ZNF510: variants seen among roughly 807,000 people sequenced by gnomAD.
The protein encoded by ZNF510 is zinc finger protein 510.
In ZNF510, 15 loss-of-function variants were observed where a neutral mutation model predicts 18.1. The observed-to-expected ratio is 0.83, with a 90% confidence interval of 0.55 to 1.28. The LOEUF is 1.28. Among genes scored for constraint, ZNF510 ranks in the 50% most tolerant of loss-of-function variants. ZNF510 has a pLI of 0.00. For missense variants in ZNF510, 724 were observed against 791.8 expected (o/e 0.91, Z 1.03); for synonymous variants, 261 against 266.4 (o/e 0.98, Z 0.20).
Position 96,776,090 on chromosome 9 carries a change from G to A in ZNF510, c.-21C>T. On this transcript the variant is annotated 5_prime_UTR_variant, in exon 2 of 6. Coordinates refer to ENST00000223428, the MANE Select transcript of ZNF510 (RefSeq NM_014930.3). ...GACATCACCAAGTCTGGTGCTCTCT[G>A]GGCAAGGGGATGAAGAAGTGCCGCT... 6.3e-7 allele frequency: 1 copy of A among 1,589,200 alleles called. No individual in the cohort carries two copies. The highest frequency in any genetic ancestry group is 8.6e-7 in the Non-Finnish European group (1 of 1,166,144).
rs547500378 is a variant in ZNF510, at chr9:96,759,358, C to T, written c.1472G>A (p.Ser491Asn). The change falls in exon 6 of 6, where the codon AGT becomes AAT. Residue 491 changes from serine (S) to asparagine (N), a missense_variant. Physicochemically the swap from Ser to Asn is conservative, Grantham distance 46. Coordinates refer to ENST00000223428, the MANE Select transcript of ZNF510 (RefSeq NM_014930.3). The stretch of plus-strand genomic sequence containing the variant: ...CTGAACAAAAGTTTTCCCACATTCA[C>T]TACATTCATAGGGTTTTTCTCCTGT... ...IHTGEKPYEC[S>N]ECGKTFVQKS... 101 of 1,614,044 alleles carry T rather than the reference C, an allele frequency of 6.3e-5. 1 individual carries two copies. The South Asian group carries it at 9.4e-4, about 15-fold the overall frequency.
chr9:96,774,850 G>C lies in ZNF510; in HGVS notation c.71-4C>G. 4 of 1,613,868 alleles carry C rather than the reference G, an allele frequency of 2.5e-6. No individual in the cohort carries two copies. Among genetic ancestry groups the C allele is most frequent in the Non-Finnish European group, 3.4e-6 (4 of 1,179,866 alleles). On this transcript the variant is annotated splice_region_variant and splice_polypyrimidine_tract_variant and intron_variant, in intron 2 of 5. Transcript: ENST00000223428. Reference sequence around the variant, plus strand: ...GTGGAGAACCGTAAAGGATAACCTGGGGGTGAGGAAGGAGTCATGAGAGAT... The same window carrying C: ...GTGGAGAACCGTAAAGGATAACCTGCGGGTGAGGAAGGAGTCATGAGAGAT...
At position 96,759,730 on chromosome 9, in the gene ZNF510, T is replaced by C. The variant is rs770349033; in HGVS notation, c.1100A>G (p.Asn367Ser). The stretch of plus-strand genomic sequence containing the variant: ...TTTAACCCAAGTCTGTGTTCTGTCA[T>C]TACTTACCAATGGGTTCTCTTCTAT... ...AVIEENPLVS[N>S]DRTQTWVKSS... The change falls in exon 6 of 6, where the codon AAT becomes AGT. Residue 367 changes from asparagine to serine, a missense_variant. Physicochemically the swap from Asn to Ser is conservative, Grantham distance 46. Transcript: ENST00000223428. The C allele has an allele frequency of 5.6e-5, 90 of 1,613,918 alleles. No homozygotes were observed. Among genetic ancestry groups the C allele is most frequent in the Non-Finnish European group, 7.3e-5 (86 of 1,179,980 alleles).
intron 5 of ZNF510, among the ~76,000 whole-genome samples, chr9:96,761,563 C>T (rs1024087075): frequency 2.2e-5 from 3 of 135,568 alleles, no homozygotes; most frequent in African/African-American, 1.2e-4. Flanking sequence ...TGCTTGGTTA[C>T]AACTTCTCTA....
intron 3 of ZNF510, among the ~76,000 whole-genome samples, chr9:96,765,477 T>C (rs1849448305): frequency 1.3e-5 from 2 of 152,108 alleles, no homozygotes; most frequent in African/African-American, 2.4e-5. Context: ...TAGTGCCATA[T>C]TTACTGCATT....
rs200749483 is a variant in ZNF510, at chr9:96,759,168, C to G, written c.1662G>C (p.Trp554Cys). 8 of 1,613,624 alleles carry G rather than the reference C, an allele frequency of 5.0e-6. No homozygotes were observed. The South Asian group carries it at 8.8e-5, about 18-fold the overall frequency. ...YQCNECEKSF[W>C]RKDHLIQHQK... ...GATGTTGAATGAGATGATCTTTTCG[C>G]CAGAAGGATTTTTCACATTCATTAC... The change falls in exon 6 of 6, where the codon TGG becomes TGC. Residue 554 changes from tryptophan (W) to cysteine (C), a missense_variant. Coordinates refer to ENST00000223428, the MANE Select transcript of ZNF510 (RefSeq NM_014930.3).
rs562191037 is a variant in ZNF510, at chr9:96,770,595, C to A, written c.129+4193G>T. On this transcript the variant is annotated intron_variant, in intron 3 of 5. Transcript: ENST00000223428. Reference sequence around the variant, plus strand: ...TCCAGCCTGAGCGACAAGAGCAAAACTCTGTCTCAAAAAAAAAATATATAT... The same window carrying A: ...TCCAGCCTGAGCGACAAGAGCAAAAATCTGTCTCAAAAAAAAAATATATAT... 5.7e-5 allele frequency among the ~76,000 whole-genome samples: 8 copies of A among 141,500 alleles called. No individual in the cohort carries two copies. In the South Asian group the frequency reaches 1.3e-3, roughly 23 times the overall value. 92.8% of individuals were successfully genotyped at this position (141,500 alleles called of 152,430 possible).
In ZNF510 at chr9:96,760,638, T is replaced by G. The variant is rs554433098; in HGVS notation, c.353-161A>C. On this transcript the variant is annotated intron_variant, in intron 5 of 5. Transcript: ENST00000223428. ...TATATATATCTCAGACCACCCTCCTTTAAAAAATAATATTGATATAGTGCA... is the reference window on the plus strand; with the variant it reads ...TATATATATCTCAGACCACCCTCCTGTAAAAAATAATATTGATATAGTGCA... 7.9e-5 allele frequency among the ~76,000 whole-genome samples: 12 copies of G among 152,206 alleles called. No individual in the cohort carries two copies. In the South Asian group the frequency reaches 2.3e-3, roughly 29 times the overall value.
At chr9:96,775,874 T>C in intron 2 of ZNF510, 126 bp downstream of exon 2, 1 of 1,231,702 alleles carries the variant, frequency 8.1e-7, no homozygotes, top group Non-Finnish European at 1.1e-6. Flanking sequence ...ATGAGGAGGA[T>C]TAGAGACAAT....
intron 1 of ZNF510, among the ~76,000 whole-genome samples, chr9:96,777,218 T>C (rs533944156): frequency 1.6e-4 from 25 of 152,244 alleles, no homozygotes; most frequent in African/African-American, 5.1e-4. Flanking sequence ...ACAAATACAC[T>C]TGCCACATAG....
chr9:96,762,370 G>A (rs1229787386), intron 5 of ZNF510, among the ~76,000 whole-genome samples: 2 of 151,784 alleles, frequency 1.3e-5, no homozygotes, highest in African/African-American at 4.8e-5. Flanking sequence ...TTGGCTGGGT[G>A]TGGTGGCAGG....
Position 96,757,997 on chromosome 9 carries a change from T to A in ZNF510, c.*781A>T, listed in dbSNP as rs1849236156. On this transcript the variant is annotated 3_prime_UTR_variant, in exon 6 of 6. Transcript: ENST00000223428. ...GAGAGCAGGAGGGCATGAGACTTCA[T>A]CCCACTACTCAGAATCGGGTGCAGT... The A allele has an allele frequency of 6.6e-6, 1 of 152,218 alleles. No individual in the cohort carries two copies. The highest frequency in any genetic ancestry group is 2.1e-4 in the South Asian group (1 of 4,832). 9.4% of individuals were successfully genotyped at this position (152,218 alleles called of 1,614,324 possible). A position where few individuals can be genotyped will look rare whatever the true frequency, so the allele number is the denominator to read the frequency against.
intron 3 of ZNF510, among the ~76,000 whole-genome samples, chr9:96,771,153 G>A (rs751153251): frequency 4.4e-4 from 67 of 152,144 alleles, no homozygotes; most frequent in Non-Finnish European, 8.1e-4. Context: ...TAATGTTGAC[G>A]CCAAAACGTG....
At position 96,763,607 on chromosome 9, in the gene ZNF510, G is replaced by C; in HGVS notation, c.155C>G (p.Thr52Ser). The C allele has an allele frequency of 6.2e-7, 1 of 1,613,230 alleles. No individual in the cohort carries two copies. Among genetic ancestry groups the C allele is most frequent in the Non-Finnish European group, 8.5e-7 (1 of 1,179,558 alleles). ...SQASVSFKDV[T>S]IEFTQEEWQQ... The stretch of plus-strand genomic sequence containing the variant: ...CCACTCCTCCTGGGTGAATTCTATA[G>C]TCACGTCCTTGAATGACACTGATGC... Residue 52 changes from threonine to serine, a missense_variant, in exon 4 of 6, where the codon ACT becomes AGT. Transcript: ENST00000223428.
chr9:96,758,718 G>T lies in ZNF510; in HGVS notation c.*60C>A. ...ATTCACTACCCTCAATTGGTTTTTTGTGTATCTCTGATATCAAATGGGGTA... is the reference window on the plus strand; with the variant it reads ...ATTCACTACCCTCAATTGGTTTTTTTTGTATCTCTGATATCAAATGGGGTA... On this transcript the variant is annotated 3_prime_UTR_variant, in exon 6 of 6. Coordinates refer to ENST00000223428, the MANE Select transcript of ZNF510 (RefSeq NM_014930.3). 6.7e-7 allele frequency: 1 copy of T among 1,492,404 alleles called. No homozygotes were observed. The highest frequency in any genetic ancestry group is 8.9e-7 in the Non-Finnish European group (1 of 1,118,386). 92.4% of individuals were successfully genotyped at this position (1,492,404 alleles called of 1,614,324 possible).
intron 4 of ZNF510, 87 bp from the exon 5 acceptor site, chr9:96,763,300 G>C (rs1849398170): frequency 2.8e-6 from 4 of 1,448,810 alleles, no homozygotes; most frequent in Admixed American, 1.8e-5. Context: ...TTTGGAAGCA[G>C]TATCCTGAAA....
chr9:96,774,691 G>T, intron 3 of ZNF510, 97 bp downstream of exon 3: 2 of 1,126,434 alleles, frequency 1.8e-6, no homozygotes, highest in Non-Finnish European at 2.6e-6. Context: ...TATATTCCTT[G>T]AATGATTTTG....
intron 3 of ZNF510, among the ~76,000 whole-genome samples, chr9:96,764,442 G>A (rs1163658382): frequency 6.6e-6 from 1 of 152,184 alleles, no homozygotes; most frequent in Admixed American, 6.5e-5. Context: ...GTGAGTCACT[G>A]TACCTGGCCA....
intron 3 of ZNF510, among the ~76,000 whole-genome samples, chr9:96,771,112 T>TG (rs1849576325): frequency 6.6e-6 from 1 of 152,162 alleles, no homozygotes; most frequent in African/African-American, 2.4e-5. Flanking sequence ...ACAAAATGAA[T>TG]AACTGTTTCC....
Sources: allele counts gnomAD v4.1 joint callset (sites outside exome capture counted in the v4.1 genomes callset), GRCh38; gene constraint gnomAD v4.1.1; transcripts MANE v1.5; gene names NCBI Gene and HGNC (gene_info 2026-07-23, HGNC 2026-07-21).